Variants in TTC28 observed in about 807,000 individuals in gnomAD.
TTC28 encodes the protein tetratricopeptide repeat domain 28, also known as tetratricopeptide repeat protein 28.
A neutral mutation model predicts 198.0 loss-of-function variants in TTC28; 61 were observed. The ratio of observed to expected loss-of-function variants is 0.31; its 90% CI spans 0.25 to 0.38. The LOEUF (loss-of-function observed/expected upper bound fraction) is 0.38. Ranked by LOEUF, TTC28 falls within the 10% of genes least tolerant of loss-of-function variation. The pLI, the probability that TTC28 is intolerant of heterozygous loss-of-function variation, is 1.00. For synonymous variants in TTC28, 1,171 were observed against 1,297.8 expected, an observed-to-expected ratio of 0.90 and a Z score of 2.10; for missense variants, 2,678 against 3,164.0, an observed-to-expected ratio of 0.85 and a Z score of 3.69.
rs529988575 is a variant in TTC28, at chr22:28,205,486, T to A, written c.934-41887A>T. Among the ~76,000 whole-genome samples, 286 of 152,198 alleles carry A rather than the reference T, an allele frequency of 1.9e-3. 1 individual carries two copies. The highest frequency in any genetic ancestry group is 6.6e-3 in the African/African-American group (275 of 41,532). ...CCCATACTCCAGGGTCAAGTTGATA[T>A]GAAATTTTAATAAAATGACACTTTC... On this transcript the variant is annotated intron_variant, in intron 5 of 22. Coordinates refer to ENST00000397906, the MANE Select transcript of TTC28 (RefSeq NM_001145418.2).
At chr22:28,393,456 C>T (rs1431294842) in intron 2 of TTC28, among the ~76,000 whole-genome samples, 1 of 152,042 alleles carries the variant, frequency 6.6e-6, no homozygotes, top group Non-Finnish European at 1.5e-5. Context: ...CTTTGGGAGG[C>T]TGAGGCAGGA....
intron 1 of TTC28, among the ~76,000 whole-genome samples, chr22:28,632,249 T>G (rs999434265): frequency 1.4e-5 from 2 of 140,606 alleles, no homozygotes; most frequent in African/African-American, 5.2e-5. Flanking sequence ...CAAGTTATAT[T>G]CAACTTTTTT....
chr22:28,629,933 G>T, intron 1 of TTC28, 103 bp from the exon 2 acceptor site: 1 of 1,038,820 alleles, frequency 9.6e-7, no homozygotes, highest in Non-Finnish European at 1.4e-6. Context: ...ACATTAAAAT[G>T]TGATCCCCAG....
At chr22:28,169,444 G>A (rs1220181672) in intron 5 of TTC28, among the ~76,000 whole-genome samples, 4 of 152,090 alleles carry the variant, frequency 2.6e-5, no homozygotes, top group Admixed American at 6.6e-5. Flanking sequence ...ATGATAGACT[G>A]GATTAAGAAA....
At chr22:28,124,587 G>C (rs190895392) in intron 6 of TTC28, among the ~76,000 whole-genome samples, 2 of 152,274 alleles carry the variant, frequency 1.3e-5, no homozygotes, top group East Asian at 3.8e-4. Flanking sequence ...ATCTAGAAAG[G>C]GCAAGCCCAG....
chr22:28,083,891 C>T (rs941272799), intron 12 of TTC28, among the ~76,000 whole-genome samples: 18 of 152,354 alleles, frequency 1.2e-4, no homozygotes, highest in South Asian at 8.3e-4. Context: ...GAGGGTCCTA[C>T]GCCCACGGAG....
intron 14 of TTC28, chr22:28,006,441 T>A (rs531224978): frequency 6.6e-6 from 1 of 152,372 alleles, no homozygotes; most frequent in South Asian, 2.1e-4. Flanking sequence ...TTATTTATAC[T>A]ATTCTTTTCT....
intron 5 of TTC28, among the ~76,000 whole-genome samples, chr22:28,216,052 A>AT (rs1927373580): frequency 6.6e-6 from 1 of 152,196 alleles, no homozygotes; most frequent in East Asian, 1.9e-4. Context: ...AGGGCTAGGC[A>AT]TTTGAGACAC....
At chr22:28,486,286 G>C (rs1436611342) in intron 2 of TTC28, among the ~76,000 whole-genome samples, 4 of 152,062 alleles carry the variant, frequency 2.6e-5, no homozygotes, top group Non-Finnish European at 4.4e-5. Context: ...AAGTAAAGCA[G>C]AAAAGAGAAG....
In TTC28 at chr22:28,534,014, A is replaced by C. The variant is rs540976774; in HGVS notation, c.381+95538T>G. Reference sequence around the variant, plus strand: ...CATAGGTATGGGCAAGGACTTCATGACTAAAACACCAAAAGCAATGGCAAC... The same window carrying C: ...CATAGGTATGGGCAAGGACTTCATGCCTAAAACACCAAAAGCAATGGCAAC... On this transcript the variant is annotated intron_variant, in intron 2 of 22. Coordinates refer to ENST00000397906, the MANE Select transcript of TTC28 (RefSeq NM_001145418.2). Among the ~76,000 whole-genome samples, 6 of 152,266 alleles carry C rather than the reference A, an allele frequency of 3.9e-5. No homozygotes were observed. In the South Asian group the frequency reaches 1.2e-3, roughly 32 times the overall value.
chr22:28,514,044 A>G (rs1302872745), intron 2 of TTC28, among the ~76,000 whole-genome samples: 2 of 152,156 alleles, frequency 1.3e-5, no homozygotes, highest in East Asian at 3.9e-4. Flanking sequence ...ATACCATTTG[A>G]TTTTTAGTAA....
Position 28,099,183 on chromosome 22 carries a change from C to A in TTC28, c.3418-139G>T, listed in dbSNP as rs1388499560. Reference sequence around the variant, plus strand: ...AGATTTGAAAGGAAGAGTCTGATGTCCAGGTGTAAGGAAAAATGGATGTGC... The same window carrying A: ...AGATTTGAAAGGAAGAGTCTGATGTACAGGTGTAAGGAAAAATGGATGTGC... On this transcript the variant is annotated intron_variant, in intron 9 of 22. Transcript: ENST00000397906. 4 of 1,223,688 alleles carry A rather than the reference C, an allele frequency of 3.3e-6. No homozygotes were observed. The South Asian group carries it at 6.2e-5, about 19-fold the overall frequency. 75.8% of individuals were successfully genotyped at this position (1,223,688 alleles called of 1,614,324 possible).
In TTC28 at chr22:28,254,840, A is replaced by C. The variant is rs1473154140; in HGVS notation, c.933+41358T>G. The stretch of plus-strand genomic sequence containing the variant: ...AGAATCAGAACTGATATTCCCATAT[A>C]AAGCAAGGACCCTGGAAAGGCCTGC... On this transcript the variant is annotated intron_variant, in intron 5 of 22. Coordinates refer to ENST00000397906, the MANE Select transcript of TTC28 (RefSeq NM_001145418.2). 3.3e-5 allele frequency among the ~76,000 whole-genome samples: 5 copies of C among 152,184 alleles called. No individual in the cohort carries two copies. The South Asian group carries it at 1.0e-3, about 32-fold the overall frequency.
intron 2 of TTC28, among the ~76,000 whole-genome samples, chr22:28,452,163 G>C (rs2047788036): frequency 6.6e-6 from 1 of 152,034 alleles, no homozygotes; most frequent in Non-Finnish European, 1.5e-5. Flanking sequence ...GCCAAGGTGG[G>C]CGGATCACAA....
intron 5 of TTC28, among the ~76,000 whole-genome samples, chr22:28,234,174 G>T (rs1929049880): frequency 6.6e-6 from 1 of 151,868 alleles, no homozygotes; most frequent in Admixed American, 6.6e-5. Flanking sequence ...CCAAAATGCT[G>T]GGATTACAGG....
intron 2 of TTC28, among the ~76,000 whole-genome samples, chr22:28,493,080 G>T (rs1408987522): frequency 2.6e-5 from 4 of 151,898 alleles, no homozygotes; most frequent in Admixed American, 2.6e-4. Flanking sequence ...GTTTTGGCTG[G>T]GTGCAGAGGC....
At chr22:28,587,357 C>A (rs12167592) in intron 2 of TTC28, among the ~76,000 whole-genome samples, 1 of 152,022 alleles carries the variant, frequency 6.6e-6, no homozygotes, top group Non-Finnish European at 1.5e-5. Flanking sequence ...GTGTGAGAGT[C>A]TGTCTCAAAA....
chr22:28,284,383 T>C (rs1189827048), intron 5 of TTC28, among the ~76,000 whole-genome samples: 1 of 152,096 alleles, frequency 6.6e-6, no homozygotes, highest in Non-Finnish European at 1.5e-5. Context: ...AAAAACAAAC[T>C]AACAGATTGA....
Position 28,107,627 on chromosome 22 carries a change from G to T in TTC28, c.2218C>A (p.Gln740Lys). ...TTTACCTGGTGAGCTAAGCCCAGTT[G>T]CTGCTCATAGAATTTTATTGCACCA... The part of the protein sequence containing the change: ...INGAIKFYEQ[Q>K]LGLAHQVKDR... Residue 740 changes from glutamine (Q) to lysine (K), a missense_variant, in exon 7 of 23, where the codon CAA (glutamine) becomes AAA (lysine). Around this residue, in one of 8 missense-constraint regions of TTC28, gnomAD observed 775 missense variants for 845.9 expected, o/e 0.92. Coordinates refer to ENST00000397906, the MANE Select transcript of TTC28 (RefSeq NM_001145418.2). The T allele has an allele frequency of 6.4e-7, 1 of 1,551,732 alleles. No homozygotes were observed. The highest frequency in any genetic ancestry group is 1.2e-5 in the South Asian group (1 of 84,066).
Sources: allele counts gnomAD v4.1 joint callset (sites outside exome capture counted in the v4.1 genomes callset), GRCh38; gene constraint gnomAD v4.1.1; regional missense constraint gnomAD v4.1.1; transcripts MANE v1.5; gene names NCBI Gene and HGNC (gene_info 2026-07-23, HGNC 2026-07-21).